TBC1D5: variants seen among roughly 807,000 people sequenced by gnomAD.
TBC1D5 encodes TBC1 domain family, member 5.
TBC1D5 carries 75 observed loss-of-function variants against 100.3 expected under a neutral mutation model. The observed-to-expected ratio is 0.75, with a 90% CI of 0.62 to 0.91. The LOEUF (loss-of-function observed/expected upper bound fraction) is 0.91, where lower values mean the gene tolerates loss of function less well. Among genes scored for constraint, TBC1D5 ranks in the 40% least tolerant of loss-of-function variants. The probability of loss-of-function intolerance (pLI) is 0.00; values close to 1 mark genes in which losing one functional copy is unlikely to be tolerated. For synonymous variants in TBC1D5, 323 were observed against 325.6 expected (o/e 0.99, Z 0.09); for missense variants, 910 against 942.4 (o/e 0.97, Z 0.45).
At chr3:17,461,427 G>A (rs963422064) in intron 3 of TBC1D5, among the ~76,000 whole-genome samples, 1 of 152,148 alleles carries the variant, frequency 6.6e-6, no homozygotes, top group Non-Finnish European at 1.5e-5. Flanking sequence ...GTTACTGAAT[G>A]TTCTGCAATG....
chr3:17,454,695 C>T (rs983396973), intron 3 of TBC1D5, among the ~76,000 whole-genome samples: 1 of 152,050 alleles, frequency 6.6e-6, no homozygotes, highest in Non-Finnish European at 1.5e-5. Flanking sequence ...CTCCTGACCT[C>T]GTGATCCGCC....
At chr3:17,373,366 A>G (rs935909599) in intron 12 of TBC1D5, among the ~76,000 whole-genome samples, 1 of 152,178 alleles carries the variant, frequency 6.6e-6, no homozygotes, top group Admixed American at 6.6e-5. Context: ...CATACTGGAA[A>G]CAATATACCA....
At chr3:17,299,899 G>A (rs1045509207) in intron 14 of TBC1D5, among the ~76,000 whole-genome samples, 2 of 149,646 alleles carry the variant, frequency 1.3e-5, no homozygotes, top group African/African-American at 4.9e-5. Context: ...TCATTCTGAT[G>A]TGGGATGGTG....
intron 2 of TBC1D5, among the ~76,000 whole-genome samples, chr3:17,612,827 A>G (rs1271920854): frequency 1.3e-5 from 2 of 151,828 alleles, no homozygotes; most frequent in African/African-American, 4.8e-5. Flanking sequence ...AAAAAAAAAC[A>G]GTTACACTTC....
At chr3:17,650,929 T>G (rs1372334747) in intron 1 of TBC1D5, among the ~76,000 whole-genome samples, 4 of 152,226 alleles carry the variant, frequency 2.6e-5, no homozygotes, top group Non-Finnish European at 5.9e-5. Flanking sequence ...TGCATTGACA[T>G]GTAAGAATTT....
chr3:17,223,655 G>C lies in TBC1D5; in HGVS notation c.1589-9285C>G, dbSNP rs150496757. 1.4e-3 allele frequency among the ~76,000 whole-genome samples: 220 copies of C among 152,270 alleles called. 2 individuals are homozygous for C. The highest frequency in any genetic ancestry group is 5.0e-3 in the African/African-American group (208 of 41,562). On this transcript the variant is annotated intron_variant, in intron 17 of 21. Coordinates refer to ENST00000253692, the Ensembl canonical transcript of TBC1D5. ...GCTGGTGGATCACCTGAGGTCAGAA[G>C]TTCATGACCAGCTTGGCTGACATGG...
chr3:17,186,070 A>G (rs1198247916), intron 18 of TBC1D5, among the ~76,000 whole-genome samples: 1 of 150,722 alleles, frequency 6.6e-6, no homozygotes, highest in South Asian at 2.1e-4. Context: ...AATAATCCTC[A>G]TCATTTAGCA....
rs78444569 is a variant in TBC1D5 at position 17,518,922 on chromosome 3, G to A, written c.-35-10317C>T. The A allele has an allele frequency of 8.2e-3, 1,247 of 152,460 alleles. 10 individuals carry two copies. Among genetic ancestry groups the A allele is most frequent in the Non-Finnish European group, 0.014 (976 of 68,130 alleles). The allele number at this position is 152,460 out of a possible 1,614,324, so 9.4% of individuals were successfully genotyped here. On this transcript the variant is annotated intron_variant, in intron 2 of 21. Coordinates refer to ENST00000253692, the Ensembl canonical transcript of TBC1D5. ...CTCACCTGCGCGCTCCCTCCCGTGA[G>A]GGGTGGAAGGCAGACAGCCCATTCC... is the stretch of plus-strand genomic sequence containing the variant.
chr3:17,352,683 CAAAAAAAAA>C (rs1363926293), intron 13 of TBC1D5, among the ~76,000 whole-genome samples: 1 of 94,904 alleles, frequency 1.1e-5, no homozygotes, highest in Non-Finnish European at 2.1e-5. Flanking sequence ...AAGCAAAAGG[CAAAAAAAAA>C]AAAAAAACAA....
intron 1 of TBC1D5, among the ~76,000 whole-genome samples, chr3:17,728,376 G>C (rs1340649305): frequency 6.6e-6 from 1 of 152,130 alleles, no homozygotes; most frequent in Non-Finnish European, 1.5e-5. Flanking sequence ...GAAAACCAAA[G>C]AGAATCAACT....
At position 17,442,479 on chromosome 3, in the gene TBC1D5, G is replaced by A. The variant is rs565604794; in HGVS notation, c.98-13960C>T. On this transcript the variant is annotated intron_variant, in intron 3 of 21. Transcript: ENST00000253692. ...AGTGCATCCATTCATGTGGAACTGT[G>A]CAATAGCACAGGAGGCAAATGTTAT... is the stretch of plus-strand genomic sequence containing the variant. 3.9e-5 allele frequency among the ~76,000 whole-genome samples: 6 copies of A among 152,314 alleles called. No individual in the cohort carries two copies. The South Asian group carries it at 1.2e-3, about 32-fold the overall frequency.
At chr3:17,658,403 G>C (rs915204855) in intron 1 of TBC1D5, among the ~76,000 whole-genome samples, 1 of 152,146 alleles carries the variant, frequency 6.6e-6, no homozygotes, top group African/African-American at 2.4e-5. Flanking sequence ...AGAAATTACA[G>C]TTGCTCTTAG....
chr3:17,166,668 T>G, intron 21 of TBC1D5, 99 bp downstream of exon 22: 1 of 1,491,600 alleles, frequency 6.7e-7, no homozygotes, highest in South Asian at 1.4e-5. Context: ...TACATGGTAA[T>G]TTGAAGTAAC....
intron 13 of TBC1D5, chr3:17,333,543 C>T (rs1307136283): frequency 2.0e-5 from 3 of 152,070 alleles, no homozygotes; most frequent in African/African-American, 7.2e-5. Flanking sequence ...GATATAACTG[C>T]AGGAACAAAT....
At chr3:17,386,727 G>A (rs1006233482) in intron 8 of TBC1D5, among the ~76,000 whole-genome samples, 5 of 152,052 alleles carry the variant, frequency 3.3e-5, no homozygotes, top group South Asian at 2.1e-4. Flanking sequence ...CTGTGCTGGC[G>A]TCTCTGAGCC....
intron 2 of TBC1D5, among the ~76,000 whole-genome samples, chr3:17,532,562 A>G (rs1210925891): frequency 6.6e-6 from 1 of 152,190 alleles, no homozygotes; most frequent in East Asian, 1.9e-4. Context: ...CACTATTCAC[A>G]ATAGCAAAGT....
chr3:17,713,221 T>C (rs535241179), intron 1 of TBC1D5, among the ~76,000 whole-genome samples: 2 of 152,058 alleles, frequency 1.3e-5, no homozygotes, highest in South Asian at 4.2e-4. Flanking sequence ...AAATTTTAAA[T>C]TATTGTGTTT....
At chr3:17,437,122 G>C (rs2094549888) in intron 3 of TBC1D5, among the ~76,000 whole-genome samples, 6 of 152,170 alleles carry the variant, frequency 3.9e-5, no homozygotes, top group Admixed American at 1.3e-4. Context: ...TCTCTCACAT[G>C]TGCTCTCTTG....
intron 1 of TBC1D5, among the ~76,000 whole-genome samples, chr3:17,624,633 T>C (rs1366229009): frequency 6.6e-6 from 1 of 152,184 alleles, no homozygotes; most frequent in Non-Finnish European, 1.5e-5. Context: ...TTTCTTTTAC[T>C]TCTATTTCTA....
Sources: allele counts gnomAD v4.1 joint callset (sites outside exome capture counted in the v4.1 genomes callset), GRCh38; gene constraint gnomAD v4.1.1; transcripts MANE v1.5; gene names NCBI Gene and HGNC (gene_info 2026-07-23, HGNC 2026-07-21).